Variants in LDLRAD4 observed in about 807,000 individuals in gnomAD.
LDLRAD4 encodes low density lipoprotein receptor class A domain containing 4.
LDLRAD4 carries 5 observed loss-of-function variants against 17.0 expected under a neutral mutation model. The ratio of observed to expected loss-of-function variants is 0.29; its 90% CI spans 0.15 to 0.62. The LOEUF is 0.62. LDLRAD4 is among the 20% of genes least tolerant of loss of function. The pLI, the probability that LDLRAD4 is intolerant of heterozygous loss-of-function variation, is 0.84. For missense variants in LDLRAD4, 340 were observed against 424.7 expected (o/e 0.80, Z 1.75); for synonymous variants, 168 against 171.8 (o/e 0.98, Z 0.17).
intron 4 of LDLRAD4, 38 bp from the exon 6 acceptor site, chr18:13,643,321 C>A: frequency 7.2e-7 from 1 of 1,379,412 alleles, no homozygotes; most frequent in Non-Finnish European, 9.8e-7. Flanking sequence ...TCCTCTGTTT[C>A]TTGTTCCCCC....
chr18:13,505,199 A>G (rs1376146246), intron 3 of LDLRAD4, among the ~76,000 whole-genome samples: 1 of 152,246 alleles, frequency 6.6e-6, no homozygotes, highest in Non-Finnish European at 1.5e-5. Flanking sequence ...AGATTCTCCC[A>G]GCAGAGAAAA....
intron 2 of LDLRAD4, among the ~76,000 whole-genome samples, chr18:13,406,487 TCAGGAGGA>T (rs1298104420): frequency 6.6e-6 from 1 of 152,138 alleles, no homozygotes; most frequent in African/African-American, 2.4e-5. Context: ...GAGGATATAG[TCAGGAGGA>T]CCTCATTCTC....
intron 3 of LDLRAD4, among the ~76,000 whole-genome samples, chr18:13,548,254 G>A (rs1273447093): frequency 6.6e-6 from 1 of 150,402 alleles, no homozygotes; most frequent in African/African-American, 2.5e-5. Flanking sequence ...CCTGGAAAAA[G>A]CACCGTAAGT....
intron 3 of LDLRAD4, among the ~76,000 whole-genome samples, chr18:13,550,190 G>C (rs1009313007): frequency 6.6e-6 from 1 of 152,112 alleles, no homozygotes; most frequent in Admixed American, 6.5e-5. Flanking sequence ...ATGGAAAAGG[G>C]TTCCACCAAA....
At chr18:13,562,639 C>T (rs1027201288) in intron 3 of LDLRAD4, among the ~76,000 whole-genome samples, 3 of 152,202 alleles carry the variant, frequency 2.0e-5, no homozygotes, top group African/African-American at 4.8e-5. Flanking sequence ...ATCTCCCCAT[C>T]GTCCCTAATG....
chr18:13,473,313 G>A (rs2146800246), intron 3 of LDLRAD4, among the ~76,000 whole-genome samples: 1 of 152,258 alleles, frequency 6.6e-6, no homozygotes, highest in African/African-American at 2.4e-5. Context: ...GTTTATTGTA[G>A]GCATTTATCC....
At chr18:13,631,107 A>G (rs1310956050) in intron 4 of LDLRAD4, among the ~76,000 whole-genome samples, 1 of 152,222 alleles carries the variant, frequency 6.6e-6, no homozygotes, top group African/African-American at 2.4e-5. Context: ...CCCATGGTGC[A>G]GCACAAGGGA....
intron 1 of LDLRAD4, among the ~76,000 whole-genome samples, chr18:13,253,657 AAG>A (rs1170642016): frequency 1.3e-5 from 2 of 152,204 alleles, no homozygotes; most frequent in Non-Finnish European, 2.9e-5. Context: ...ATTCAAAGAA[AAG>A]AGAGTGGAAT....
chr18:13,381,791 G>A (rs75323641), intron 1 of LDLRAD4, among the ~76,000 whole-genome samples: 8 of 152,228 alleles, frequency 5.3e-5, no homozygotes, highest in African/African-American at 1.7e-4. Flanking sequence ...CTCATGACAA[G>A]CCCTTTGCCT....
chr18:13,247,013 AG>A (rs2042989035), intron 1 of LDLRAD4, among the ~76,000 whole-genome samples: 1 of 152,046 alleles, frequency 6.6e-6, no homozygotes. Context: ...TGGTGGGCTA[AG>A]GACAAAAAAG....
intron 3 of LDLRAD4, among the ~76,000 whole-genome samples, chr18:13,478,760 G>T (rs961811308): frequency 1.3e-5 from 2 of 152,130 alleles, no homozygotes; most frequent in South Asian, 4.1e-4. Context: ...TTGTTTTTTG[G>T]ATACGGAAAA....
intron 3 of LDLRAD4, among the ~76,000 whole-genome samples, chr18:13,618,812 A>G (rs1480273343): frequency 6.6e-6 from 1 of 152,258 alleles, no homozygotes; most frequent in South Asian, 2.1e-4. Flanking sequence ...CATGGGAAGT[A>G]TGACATGCTT....
At chr18:13,361,990 T>C (rs2083706855) in intron 1 of LDLRAD4, among the ~76,000 whole-genome samples, 1 of 151,750 alleles carries the variant, frequency 6.6e-6, no homozygotes, top group Non-Finnish European at 1.5e-5. Context: ...AGGAGCGTAC[T>C]TGACATAGGA....
At position 13,369,854 on chromosome 18, in the gene LDLRAD4, A is replaced by G. The variant is rs939226592; in HGVS notation, c.-382-17487A>G. Among the ~76,000 whole-genome samples the G allele has an allele frequency of 3.9e-5, 6 of 152,138 alleles. No individual in the cohort carries two copies. In the East Asian group the frequency reaches 1.2e-3, roughly 29 times the overall value. ...CACACAGATACAGATGCCTCCTCCCATGCCTTCTGTTTCCTCTCAAATCAG... is the reference window on the plus strand; with the variant it reads ...CACACAGATACAGATGCCTCCTCCCGTGCCTTCTGTTTCCTCTCAAATCAG... On this transcript the variant is annotated intron_variant, in intron 1 of 5. Transcript: ENST00000359446.
At chr18:13,310,485 T>C (rs934236140) in intron 1 of LDLRAD4, among the ~76,000 whole-genome samples, 3 of 152,206 alleles carry the variant, frequency 2.0e-5, no homozygotes, top group African/African-American at 7.2e-5. Flanking sequence ...CCTAGAGGTT[T>C]TGCGGTATAA....
At chr18:13,501,749 G>A (rs760706100) in intron 3 of LDLRAD4, among the ~76,000 whole-genome samples, 4 of 152,142 alleles carry the variant, frequency 2.6e-5, no homozygotes, top group Admixed American at 2.0e-4. Context: ...ACACACGCAT[G>A]TCCCTCTCTC....
chr18:13,366,739 A>G (rs1157108360), intron 1 of LDLRAD4, among the ~76,000 whole-genome samples: 1 of 152,152 alleles, frequency 6.6e-6, no homozygotes, highest in Non-Finnish European at 1.5e-5. Context: ...AGTCACATCC[A>G]ATGGCTGGGT....
intron 2 of LDLRAD4, among the ~76,000 whole-genome samples, chr18:13,396,084 C>T (rs115649842): frequency 0.015 from 2,332 of 152,170 alleles, 49 homozygotes; most frequent in African/African-American, 0.052. Context: ...ACAAGTGTAA[C>T]GTCTGGGTAG....
At chr18:13,332,083 A>G (rs1370183362) in intron 1 of LDLRAD4, among the ~76,000 whole-genome samples, 1 of 152,186 alleles carries the variant, frequency 6.6e-6, no homozygotes, top group Non-Finnish European at 1.5e-5. Context: ...GTAGCCTTTG[A>G]TAATCTTCTC....
Sources: gnomAD v4.1 joint callset for allele counts (sites outside exome capture counted in the v4.1 genomes callset) on GRCh38, gnomAD v4.1.1 for gene constraint, MANE v1.5 for transcripts, NCBI Gene and HGNC (gene_info 2026-07-23, HGNC 2026-07-21) for gene names.